Variants in NFATC2 observed in about 807,000 individuals in gnomAD.
The protein encoded by NFATC2 is nuclear factor of activated T cells 2, also known as nuclear factor of activated T-cells, cytoplasmic 2.
In NFATC2, 22 loss-of-function variants were observed where a neutral mutation model predicts 87.3. The observed-to-expected ratio is 0.25, with a 90% CI of 0.18 to 0.36. The LOEUF is 0.36. Ranked by LOEUF, NFATC2 falls within the 10% of genes least tolerant of loss-of-function variation. NFATC2 has a pLI of 1.00. For missense variants in NFATC2, 1,149 were observed against 1,259.1 expected (o/e 0.91, Z 1.32); for synonymous variants, 565 against 542.2 (o/e 1.04, Z -0.58).
At chr20:51,418,957 A>T (rs575511792) in intron 9 of NFATC2, among the ~76,000 whole-genome samples, 8 of 145,692 alleles carry the variant, frequency 5.5e-5, no homozygotes, top group African/African-American at 1.6e-4. Context: ...AGCCACCCCC[A>T]CCGCCCTAGG....
At chr20:51,393,457 CT>C (rs398061493) in intron 10 of NFATC2, among the ~76,000 whole-genome samples, 7 of 151,992 alleles carry the variant, frequency 4.6e-5, no homozygotes. Flanking sequence ...TATAACTTAA[CT>C]TTTCCAACAT....
At chr20:51,546,789 A>T (rs1202022167), upstream of NFATC2, among the ~76,000 whole-genome samples, 1 of 152,226 alleles carries the variant, frequency 6.6e-6, no homozygotes, top group Non-Finnish European at 1.5e-5. Context: ...CCTGACGTAG[A>T]CAGGGAATTC....
At chr20:51,419,061 A>T (rs1307449939) in intron 9 of NFATC2, among the ~76,000 whole-genome samples, 3 of 152,164 alleles carry the variant, frequency 2.0e-5, no homozygotes, top group Non-Finnish European at 4.4e-5. Context: ...CCCTGAAGGC[A>T]GAGACTCTGT....
intron 9 of NFATC2, among the ~76,000 whole-genome samples, chr20:51,417,083 G>T (rs942275360): frequency 4.6e-5 from 7 of 152,102 alleles, no homozygotes; most frequent in African/African-American, 1.7e-4. Context: ...TCTCACACAC[G>T]TGCCTCTAAC....
intron 1 of NFATC2, among the ~76,000 whole-genome samples, chr20:51,552,972 A>G (rs1415914145): frequency 1.3e-5 from 2 of 151,532 alleles, no homozygotes; most frequent in Non-Finnish European, 2.9e-5. Flanking sequence ...TCCCTCCCGC[A>G]CCTTCCTGGC....
At chr20:51,406,839 T>G (rs1978386115) in intron 9 of NFATC2, among the ~76,000 whole-genome samples, 1 of 151,942 alleles carries the variant, frequency 6.6e-6, no homozygotes, top group Admixed American at 6.5e-5. Context: ...GTGACAGGAG[T>G]CAGTGGCTTC....
chr20:51,427,487 C>T (rs1982016133), intron 9 of NFATC2, among the ~76,000 whole-genome samples: 2 of 152,324 alleles, frequency 1.3e-5, no homozygotes, highest in African/African-American at 4.8e-5. Context: ...CTGTGAAATG[C>T]ACCGCCTTCC....
chr20:51,458,672 G>A (rs967909015), intron 5 of NFATC2, among the ~76,000 whole-genome samples: 2 of 151,716 alleles, frequency 1.3e-5, no homozygotes, highest in African/African-American at 4.8e-5. Context: ...TTATCTGGGC[G>A]TGGTGGTGGC....
At chr20:51,555,593 C>CAA (rs34198930) in intron 1 of NFATC2, among the ~76,000 whole-genome samples, 10 of 140,666 alleles carry the variant, frequency 7.1e-5, no homozygotes, top group South Asian at 4.5e-4. Flanking sequence ...GACTCCATCT[C>CAA]AAAAAAAAAA....
At chr20:51,551,661 CT>C (rs1264434315) in intron 1 of NFATC2, among the ~76,000 whole-genome samples, 2 of 150,892 alleles carry the variant, frequency 1.3e-5, no homozygotes, top group Admixed American at 1.3e-4. Context: ...CGCATCTGGC[CT>C]TTTTAAAAAA....
chr20:51,393,856 G>A (rs1488818489), intron 10 of NFATC2, among the ~76,000 whole-genome samples: 1 of 152,176 alleles, frequency 6.6e-6, no homozygotes, highest in Non-Finnish European at 1.5e-5. Flanking sequence ...TGGCACCAAG[G>A]CCCTCTCGAA....
intron 3 of NFATC2, among the ~76,000 whole-genome samples, chr20:51,513,995 C>T (rs1008153194): frequency 2.0e-5 from 3 of 152,220 alleles, no homozygotes; most frequent in African/African-American, 7.2e-5. Context: ...ATTTAATAGC[C>T]ATAACCTTGA....
intron 3 of NFATC2, among the ~76,000 whole-genome samples, chr20:51,500,998 C>A (rs1600883501): frequency 6.7e-6 from 1 of 149,806 alleles, no homozygotes; most frequent in East Asian, 2.0e-4. Context: ...CCTTAAGGGG[C>A]CAGGCAAGTA....
intron 9 of NFATC2, among the ~76,000 whole-genome samples, chr20:51,418,922 C>T (rs963906748): frequency 6.6e-6 from 1 of 151,214 alleles, no homozygotes; most frequent in Non-Finnish European, 1.5e-5. Flanking sequence ...CCTCGGCTTC[C>T]CAAAGTGCTG....
chr20:51,405,926 G>A (rs772469721), intron 9 of NFATC2, among the ~76,000 whole-genome samples: 1 of 152,108 alleles, frequency 6.6e-6, no homozygotes, highest in African/African-American at 2.4e-5. Context: ...ACAGGTGTCC[G>A]CCACCATGCC....
chr20:51,470,076 G>A (rs141260854), intron 5 of NFATC2, among the ~76,000 whole-genome samples: 1 of 152,308 alleles, frequency 6.6e-6, no homozygotes, highest in African/African-American at 2.4e-5. Context: ...GAACTGCTCC[G>A]TGCCAAGTGG....
chr20:51,420,993 C>T (rs900263115), intron 9 of NFATC2, among the ~76,000 whole-genome samples: 5 of 151,024 alleles, frequency 3.3e-5, no homozygotes, highest in East Asian at 1.9e-4. Context: ...CCCAGGAAAT[C>T]GACACTGCAG....
At chr20:51,458,350 C>G (rs762118045) in intron 5 of NFATC2, among the ~76,000 whole-genome samples, 2 of 152,110 alleles carry the variant, frequency 1.3e-5, no homozygotes, top group African/African-American at 2.4e-5. Flanking sequence ...CCCTACCCCC[C>G]AGCTGTGACA....
chr20:51,512,086 C>T (rs1193903376), intron 3 of NFATC2, among the ~76,000 whole-genome samples: 1 of 152,148 alleles, frequency 6.6e-6, no homozygotes, highest in East Asian at 1.9e-4. Context: ...CTAAGAGAGA[C>T]AGAGAGCACG....
Sources: allele counts gnomAD v4.1 joint callset (sites outside exome capture counted in the v4.1 genomes callset), GRCh38; gene constraint gnomAD v4.1.1; transcripts MANE v1.5; gene names NCBI Gene and HGNC (gene_info 2026-07-23, HGNC 2026-07-21).